TTLL7: variants seen among roughly 807,000 people sequenced by gnomAD.
The protein encoded by TTLL7 is tubulin polyglutamylase TTLL7.
TTLL7 carries 53 observed loss-of-function variants against 120.2 expected under a neutral mutation model. That is an observed-to-expected ratio of 0.44 (90% CI 0.35 to 0.55). The LOEUF (loss-of-function observed/expected upper bound fraction) is 0.55. TTLL7 is among the 20% of genes least tolerant of loss of function. TTLL7 has a pLI of 0.00. For synonymous variants in TTLL7, 353 were observed against 351.7 expected, an observed-to-expected ratio of 1.00 and a Z score of -0.04; for missense variants, 803 against 1,054.7, an observed-to-expected ratio of 0.76 and a Z score of 3.31.
At position 83,866,787 on chromosome 1, in the gene TTLL7, A is replaced by G. The variant is rs1445963597; in HGVS notation, c.*3175T>C. ...AGTAAAATTAATCAAAATATGAATA[A>G]CAATAGTTTCTTCAATAGATTATAT... is the stretch of plus-strand genomic sequence containing the variant. On this transcript the variant is annotated 3_prime_UTR_variant, in exon 21 of 21. Coordinates refer to ENST00000260505, the MANE Select transcript of TTLL7 (RefSeq NM_024686.6). The G allele has an allele frequency of 1.3e-5, 2 of 151,996 alleles. No homozygotes were observed. The highest frequency in any genetic ancestry group is 1.3e-4 in the Admixed American group (2 of 15,258). 9.4% of individuals were successfully genotyped at this position (151,996 alleles called of 1,614,324 possible).
intron 18 of TTLL7, among the ~76,000 whole-genome samples, chr1:83,892,481 A>AATGAACATATGT (rs1655678854): frequency 2.4e-5 from 2 of 83,974 alleles, no homozygotes; most frequent in African/African-American, 8.1e-5. Context: ...TGAACATATG[A>AATGAACATATGT]ATGAACATAT....
In TTLL7 at chr1:83,953,026, A is replaced by G. The variant is rs1038634809; in HGVS notation, c.-176-639T>C. 3.9e-5 allele frequency among the ~76,000 whole-genome samples: 6 copies of G among 152,318 alleles called. No individual in the cohort carries two copies. The East Asian group carries it at 9.6e-4, about 24-fold the overall frequency. Reference sequence around the variant, plus strand: ...AAAGGATTATGGGGGACAACTTAATAAAGTAAACCACATCTTGAATTGTGC... The same window carrying G: ...AAAGGATTATGGGGGACAACTTAATGAAGTAAACCACATCTTGAATTGTGC... On this transcript the variant is annotated intron_variant, in intron 1 of 20. Coordinates refer to ENST00000260505, the MANE Select transcript of TTLL7 (RefSeq NM_024686.6).
At chr1:83,890,682 G>A (rs1655391509) in intron 18 of TTLL7, among the ~76,000 whole-genome samples, 1 of 149,694 alleles carries the variant, frequency 6.7e-6, no homozygotes, top group African/African-American at 2.4e-5. Flanking sequence ...GCTAAGATGT[G>A]AAGACTGCTT....
Position 83,921,313 on chromosome 1 carries a change from C to T in TTLL7, c.1224G>A (p.Arg408=), listed in dbSNP as rs567874760. ...RRLYGQNSIK[R]LLPGSSDWEQ... ...CCCAGTCTGAGGAGCCTGGTAAGAG[C>T]CTTTTAATTGAATTTTGACCATAGA... The change falls in exon 11 of 21, where the codon AGG becomes AGA. Residue 408 remains arginine (R), a synonymous_variant. Coordinates refer to ENST00000260505, the MANE Select transcript of TTLL7 (RefSeq NM_024686.6). The T allele has an allele frequency of 1.1e-4, 178 of 1,613,028 alleles. 2 individuals carry two copies. In the South Asian group the frequency reaches 1.8e-3, roughly 16 times the overall value.
At chr1:83,918,444 AG>A (rs1035986042) in intron 13 of TTLL7, among the ~76,000 whole-genome samples, 1 of 152,194 alleles carries the variant, frequency 6.6e-6, no homozygotes, top group African/African-American at 2.4e-5. Flanking sequence ...AAAGGATTCT[AG>A]AAAAGGTTTT....
intron 13 of TTLL7, among the ~76,000 whole-genome samples, chr1:83,918,174 T>C (rs1034521511): frequency 6.6e-6 from 1 of 152,178 alleles, no homozygotes; most frequent in Admixed American, 6.6e-5. Context: ...CACTATTTAA[T>C]GAAACTCTTT....
chr1:83,930,304 G>A (rs2100816020), intron 9 of TTLL7, among the ~76,000 whole-genome samples: 1 of 152,086 alleles, frequency 6.6e-6, no homozygotes, highest in East Asian at 1.9e-4. Context: ...AATGTATCAT[G>A]AAAATCTTTC....
intron 19 of TTLL7, among the ~76,000 whole-genome samples, chr1:83,887,950 CT>C (rs1655099046): frequency 6.6e-6 from 1 of 151,962 alleles, no homozygotes; most frequent in Non-Finnish European, 1.5e-5. Flanking sequence ...CTTACTATCC[CT>C]ATGATTACTA....
intron 1 of TTLL7, among the ~76,000 whole-genome samples, chr1:83,954,797 C>T (rs550893823): frequency 2.0e-5 from 3 of 149,404 alleles, no homozygotes; most frequent in Non-Finnish European, 4.4e-5. Flanking sequence ...AAAGAAAACT[C>T]ATAACTTTTT....
intron 1 of TTLL7, 61 bp from the exon 2 acceptor site, chr1:83,952,448 T>C: frequency 2.4e-6 from 1 of 414,176 alleles, no homozygotes; most frequent in Non-Finnish European, 4.3e-6. Flanking sequence ...TTTTCATATA[T>C]GCCAAGACTA....
chr1:83,967,872 CA>C (rs201389523), intron 1 of TTLL7, among the ~76,000 whole-genome samples: 32 of 147,768 alleles, frequency 2.2e-4, no homozygotes, highest in South Asian at 4.3e-4. Flanking sequence ...GATAAAACAG[CA>C]AAAAAAAAGA....
At chr1:83,872,071 A>C (rs1653466494) in intron 20 of TTLL7, among the ~76,000 whole-genome samples, 1 of 152,150 alleles carries the variant, frequency 6.6e-6, no homozygotes, top group Non-Finnish European at 1.5e-5. Flanking sequence ...TGTTATATGA[A>C]TTATGTAGAA....
In TTLL7 at chr1:83,922,661, C is replaced by CAGTTTAA. The variant is rs368069066; in HGVS notation, c.1143-1268_1143-1267insTTAAACT. Among the ~76,000 whole-genome samples the CAGTTTAA allele has an allele frequency of 1.2e-3, 178 of 151,632 alleles. 5 individuals carry two copies. The highest frequency in any genetic ancestry group is 3.5e-3 in the Middle Eastern group (1 of 286). On this transcript the variant is annotated intron_variant, in intron 10 of 20. Coordinates refer to ENST00000260505, the MANE Select transcript of TTLL7 (RefSeq NM_024686.6). ...GGATTACTGGAGCTCTGGGTGAATGCAAGAAACTCAGCTTCTCACATGGAC... is the reference window on the plus strand; with the variant it reads ...GGATTACTGGAGCTCTGGGTGAATGCAGTTTAAAAGAAACTCAGCTTCTCACATGGAC...
At chr1:83,891,487 A>G (rs1229510120) in intron 18 of TTLL7, among the ~76,000 whole-genome samples, 1 of 152,122 alleles carries the variant, frequency 6.6e-6, no homozygotes, top group Non-Finnish European at 1.5e-5. Flanking sequence ...TCGGTGCACA[A>G]ACGGGAAAAC....
At chr1:83,904,614 A>G (rs1407003611) in intron 17 of TTLL7, among the ~76,000 whole-genome samples, 1 of 152,110 alleles carries the variant, frequency 6.6e-6, no homozygotes, top group Non-Finnish European at 1.5e-5. Context: ...CAGCCTGGGC[A>G]ACAGAATGAG....
chr1:83,931,244 T>C (rs779827084), intron 9 of TTLL7, among the ~76,000 whole-genome samples: 3 of 152,040 alleles, frequency 2.0e-5, no homozygotes, highest in Non-Finnish European at 2.9e-5. Context: ...TTATAAAATA[T>C]ATATTAGTAA....
intron 10 of TTLL7, among the ~76,000 whole-genome samples, chr1:83,922,789 T>C (rs1449275871): frequency 6.6e-6 from 1 of 150,808 alleles, no homozygotes; most frequent in African/African-American, 2.5e-5. Context: ...TTAAAGATTA[T>C]GCTCTTGGCA....
intron 10 of TTLL7, among the ~76,000 whole-genome samples, chr1:83,928,395 T>C (rs1250670006): frequency 1.3e-5 from 2 of 152,166 alleles, no homozygotes; most frequent in East Asian, 3.9e-4. Context: ...AAATTTCTAA[T>C]GACAGGTAAC....
At chr1:83,958,427 T>C (rs1038319271) in intron 1 of TTLL7, among the ~76,000 whole-genome samples, 1 of 152,196 alleles carries the variant, frequency 6.6e-6, no homozygotes. Flanking sequence ...GCTTTTACTT[T>C]GAGGCAAAAA....
Sources: allele counts gnomAD v4.1 joint callset (sites outside exome capture counted in the v4.1 genomes callset), GRCh38; gene constraint gnomAD v4.1.1; transcripts MANE v1.5; gene names NCBI Gene and HGNC (gene_info 2026-07-23, HGNC 2026-07-21).